The following TM9SF3 variants were observed in gnomAD, a reference collection of about 807,000 sequenced individuals.
TM9SF3 encodes the protein transmembrane 9 superfamily member 3.
Under a neutral mutation model 78.6 loss-of-function variants are expected in TM9SF3, and 14 were observed. The ratio of observed to expected loss-of-function variants is 0.18; its 90% CI spans 0.12 to 0.28. The LOEUF is 0.28. TM9SF3 is among the 10% of genes least tolerant of loss of function. The pLI, the probability that TM9SF3 is intolerant of heterozygous loss-of-function variation, is 1.00. For missense variants in TM9SF3, 496 were observed against 721.9 expected (o/e 0.69, Z 3.59); for synonymous variants, 231 against 241.7 (o/e 0.96, Z 0.41).
At chr10:96,536,442 T>C (rs1444323063) in intron 9 of TM9SF3, among the ~76,000 whole-genome samples, 12 of 152,204 alleles carry the variant, frequency 7.9e-5, no homozygotes, top group Non-Finnish European at 1.6e-4. Context: ...AAAAAAACTT[T>C]TGATCTATGT....
At chr10:96,529,732 CA>C (rs897079466) in intron 11 of TM9SF3, among the ~76,000 whole-genome samples, 1 of 151,824 alleles carries the variant, frequency 6.6e-6, no homozygotes, top group Non-Finnish European at 1.5e-5. Context: ...TTACATGAGC[CA>C]ACTTTTTCAA....
chr10:96,574,162 G>A (rs563481149), intron 2 of TM9SF3, among the ~76,000 whole-genome samples: 3 of 152,254 alleles, frequency 2.0e-5, no homozygotes, highest in African/African-American at 7.2e-5. Context: ...GAAAATTTTT[G>A]CAATCAATCC....
At chr10:96,569,539 G>A (rs573262779) in intron 2 of TM9SF3, among the ~76,000 whole-genome samples, 2 of 152,300 alleles carry the variant, frequency 1.3e-5, no homozygotes, top group East Asian at 3.9e-4. Flanking sequence ...TATAAACAGT[G>A]TAATTTTTTC....
intron 6 of TM9SF3, among the ~76,000 whole-genome samples, chr10:96,552,476 C>T (rs866981534): frequency 2.4e-4 from 37 of 152,056 alleles, no homozygotes; most frequent in African/African-American, 8.0e-4. Context: ...ATACCTATAC[C>T]GAATATCCAT....
At chr10:96,552,640 T>C (rs937825232) in intron 6 of TM9SF3, among the ~76,000 whole-genome samples, 1 of 152,174 alleles carries the variant, frequency 6.6e-6, no homozygotes, top group African/African-American at 2.4e-5. Flanking sequence ...ATTAGACATA[T>C]TCTTACTTGG....
At chr10:96,524,995 A>C (rs1847821589) in intron 14 of TM9SF3, among the ~76,000 whole-genome samples, 1 of 152,030 alleles carries the variant, frequency 6.6e-6, no homozygotes, top group Non-Finnish European at 1.5e-5. Flanking sequence ...CAGCAGGAAA[A>C]GCACTCAAAA....
intron 11 of TM9SF3, among the ~76,000 whole-genome samples, chr10:96,530,334 T>C (rs1322342075): frequency 1.3e-5 from 2 of 152,182 alleles, no homozygotes; most frequent in South Asian, 4.1e-4. Context: ...AGGTCTAGAA[T>C]ACAATACAAA....
chr10:96,528,092 C>T lies in TM9SF3; in HGVS notation c.1480G>A (p.Val494Met). 2 of 1,612,900 alleles carry T rather than the reference C, an allele frequency of 1.2e-6. No individual in the cohort carries two copies. Among genetic ancestry groups the T allele is most frequent in the Non-Finnish European group, 1.7e-6 (2 of 1,179,144 alleles). Residue 494 changes from valine (V) to methionine (M), a missense_variant, in exon 12 of 15, where the codon GTG becomes ATG. Val to Met is a conservative substitution (Grantham distance 21). Around this residue, in one of 4 missense-constraint regions of TM9SF3, gnomAD observed 280 missense variants for 422.6 expected, o/e 0.66. Coordinates refer to ENST00000371142, the MANE Select transcript of TM9SF3 (RefSeq NM_020123.4). ...MMLVLVILCI[V>M]TVCVTIVCTY... ...CACACAATAGTCACACAGACAGTCA[C>T]AATGCACAGGATAACCAGCACCAGC...
At position 96,586,820 on chromosome 10, in the gene TM9SF3, C is replaced by T; in HGVS notation, c.16G>A (p.Gly6Ser). 1 of 1,253,482 alleles carries T rather than the reference C, an allele frequency of 8.0e-7. No homozygotes were observed. Among genetic ancestry groups the T allele is most frequent in the East Asian group, 3.3e-5 (1 of 30,036 alleles). 77.6% of individuals were successfully genotyped at this position (1,253,482 alleles called of 1,614,324 possible). Residue 6 changes from glycine to serine, a missense_variant, in exon 1 of 15, where the codon GGC (glycine) becomes AGC (serine). Coordinates refer to ENST00000371142, the MANE Select transcript of TM9SF3 (RefSeq NM_020123.4). ...GCGGCCGCCGCCACGCCAAGAGCGCCAGGCAGCGGCCTCATCCTCCGCGCC... is the reference window on the plus strand; with the variant it reads ...GCGGCCGCCGCCACGCCAAGAGCGCTAGGCAGCGGCCTCATCCTCCGCGCC... MRPLPGALGVAAAAAL... is the reference protein window; with the variant it reads MRPLPSALGVAAAAAL...
intron 1 of TM9SF3, among the ~76,000 whole-genome samples, chr10:96,579,415 A>G (rs545625545): frequency 7.7e-4 from 117 of 152,380 alleles, no homozygotes; most frequent in Non-Finnish European, 7.5e-4. Context: ...TTTTCCTTTA[A>G]AAATAGACAA....
At chr10:96,549,312 G>T (rs111273026) in intron 7 of TM9SF3, among the ~76,000 whole-genome samples, 30 of 152,158 alleles carry the variant, frequency 2.0e-4, no homozygotes, top group African/African-American at 6.7e-4. Context: ...CCAATTTTGT[G>T]TGCAAATTTT....
rs1164224225 is a variant in TM9SF3, at chr10:96,586,839, C to T, written c.-4G>A. The stretch of plus-strand genomic sequence containing the variant: ...GAGCGCCAGGCAGCGGCCTCATCCT[C>T]CGCGCCCCTCCGGCCCGGAGCCGGC... On this transcript the variant is annotated 5_prime_UTR_variant, in exon 1 of 15. Transcript: ENST00000371142. 4 of 1,214,898 alleles carry T rather than the reference C, an allele frequency of 3.3e-6. No homozygotes were observed. The highest frequency in any genetic ancestry group is 3.7e-5 in the South Asian group (1 of 26,696). The allele number at this position is 1,214,898 out of a possible 1,614,324, so 75.3% of individuals were successfully genotyped here.
At chr10:96,549,902 A>C (rs1848147720) in intron 7 of TM9SF3, among the ~76,000 whole-genome samples, 1 of 151,856 alleles carries the variant, frequency 6.6e-6, no homozygotes, top group Non-Finnish European at 1.5e-5. Flanking sequence ...TCTAGAAGAG[A>C]TTATCTTCTA....
chr10:96,530,226 A>G (rs1002937880), intron 11 of TM9SF3, among the ~76,000 whole-genome samples: 1 of 152,216 alleles, frequency 6.6e-6, no homozygotes, highest in African/African-American at 2.4e-5. Flanking sequence ...AAATACAATA[A>G]AAACCAGGAA....
intron 9 of TM9SF3, among the ~76,000 whole-genome samples, chr10:96,539,623 A>AGT (rs145356966): frequency 2.6e-5 from 4 of 152,108 alleles, no homozygotes; most frequent in South Asian, 2.1e-4. Context: ...TGGTTTCACA[A>AGT]GTGTGTGTGT....
intron 4 of TM9SF3, chr10:96,560,044 A>G (rs1848285445): frequency 1.7e-6 from 1 of 575,318 alleles, no homozygotes; most frequent in South Asian, 2.0e-5. Context: ...GTATAAGCTC[A>G]TATCACAAGT....
chr10:96,559,045 T>G (rs185794732), intron 5 of TM9SF3, among the ~76,000 whole-genome samples: 45 of 152,294 alleles, frequency 3.0e-4, no homozygotes, highest in Non-Finnish European at 5.4e-4. Context: ...CAAGTATCTG[T>G]CGGTGGGGGC....
chr10:96,522,466 AACTT>A, intron 14 of TM9SF3, 136 bp from the exon 15 acceptor site: 2 of 632,868 alleles, frequency 3.2e-6, no homozygotes, highest in Non-Finnish European at 2.5e-6. Context: ...ATTCTCTCTG[AACTT>A]ACTAAAACTG....
chr10:96,586,630 TG>T, intron 1 of TM9SF3, 103 bp downstream of exon 1: 2 of 977,768 alleles, frequency 2.0e-6, no homozygotes, highest in Non-Finnish European at 2.6e-6. Flanking sequence ...CGGGCCGCAG[TG>T]GGGCACCACC....
Sources: allele counts gnomAD v4.1 joint callset (sites outside exome capture counted in the v4.1 genomes callset), GRCh38; gene constraint gnomAD v4.1.1; regional missense constraint gnomAD v4.1.1; transcripts MANE v1.5; gene names NCBI Gene and HGNC (gene_info 2026-07-23, HGNC 2026-07-21).